HDGFL3: variants seen among roughly 807,000 people sequenced by gnomAD.
HDGFL3 encodes HDGF like 3.
In HDGFL3, 6 loss-of-function variants were observed where a neutral mutation model predicts 27.6. The observed-to-expected ratio is 0.22, with a 90% CI of 0.12 to 0.43. HDGFL3 has a LOEUF of 0.43. Among genes scored for constraint, HDGFL3 ranks in the 20% least tolerant of loss-of-function variants. HDGFL3 has a pLI of 1.00. For missense variants in HDGFL3, 207 were observed against 250.1 expected (o/e 0.83, Z 1.16); for synonymous variants, 88 against 88.9 (o/e 0.99, Z 0.05).
intron 3 of HDGFL3, among the ~76,000 whole-genome samples, chr15:83,121,416 GTA>G (rs1017212202): frequency 6.6e-6 from 1 of 152,058 alleles, no homozygotes; most frequent in Non-Finnish European, 1.5e-5. Context: ...AAGATTTGGG[GTA>G]TATGTCTAGC....
chr15:83,136,767 TACTTAA>T lies in HDGFL3; in HGVS notation c.*2497_*2502del. On this transcript the variant is annotated 3_prime_UTR_variant, in exon 6 of 6. Coordinates refer to ENST00000299633, the MANE Select transcript of HDGFL3 (RefSeq NM_016073.4). ...ATTTCACTCTCTTCTCATACGTGAG[TACTTAA>T]GAATATGTACATTCTTGCTCTGCAC... The T allele has an allele frequency of 1.9e-6, 2 of 1,026,488 alleles. No homozygotes were observed. The highest frequency in any genetic ancestry group is 2.8e-6 in the Non-Finnish European group (2 of 701,852). 63.6% of individuals were successfully genotyped at this position (1,026,488 alleles called of 1,614,324 possible).
At chr15:83,204,217 T>C (rs2037687428) in intron 1 of HDGFL3, among the ~76,000 whole-genome samples, 1 of 151,744 alleles carries the variant, frequency 6.6e-6, no homozygotes. Flanking sequence ...TATACTTATA[T>C]ATATCAGACA....
At chr15:83,193,157 A>G (rs186610112) in intron 1 of HDGFL3, among the ~76,000 whole-genome samples, 1 of 152,344 alleles carries the variant, frequency 6.6e-6, no homozygotes, top group East Asian at 1.9e-4. Context: ...AATCCGTGCA[A>G]TGGGAGAAAA....
At chr15:83,167,562 G>GAA (rs76337560) in intron 1 of HDGFL3, among the ~76,000 whole-genome samples, 2 of 99,200 alleles carry the variant, frequency 2.0e-5, no homozygotes, top group Non-Finnish European at 4.3e-5. Flanking sequence ...TCCATCTCAA[G>GAA]AAAAAAAAAA....
rs2036092423 is a variant in HDGFL3 at position 83,129,864 on chromosome 15, T to C, written c.*9406A>G. 1 of 151,104 alleles carries C rather than the reference T, an allele frequency of 6.6e-6. No individual in the cohort carries two copies. Among genetic ancestry groups the C allele is most frequent in the African/African-American group, 2.4e-5 (1 of 41,122 alleles). 9.4% of individuals were successfully genotyped at this position (151,104 alleles called of 1,614,324 possible). On this transcript the variant is annotated 3_prime_UTR_variant, in exon 6 of 6. Coordinates refer to ENST00000299633, the MANE Select transcript of HDGFL3 (RefSeq NM_016073.4). The stretch of plus-strand genomic sequence containing the variant: ...GTCTGAGGGCAGAGTAAGCCTTGCC[T>C]TTTTTTTTGGCCTGGTTCCTCTGCC...
chr15:83,168,953 C>T (rs7164083), intron 1 of HDGFL3, among the ~76,000 whole-genome samples: 38,676 of 151,888 alleles, frequency 0.25, 5,328 homozygotes, highest in African/African-American at 0.36. Context: ...ATTTCTAGGA[C>T]GCAAAGTTGG....
intron 5 of HDGFL3, among the ~76,000 whole-genome samples, chr15:83,145,301 T>C (rs1447479054): frequency 6.6e-6 from 1 of 152,070 alleles, no homozygotes; most frequent in African/African-American, 2.4e-5. Context: ...CCCAACCCCA[T>C]TCTTTAATCT....
intron 1 of HDGFL3, among the ~76,000 whole-genome samples, chr15:83,193,087 C>T (rs1339050406): frequency 2.2e-5 from 3 of 139,036 alleles, no homozygotes; most frequent in Non-Finnish European, 4.4e-5. Flanking sequence ...TTCCAGAGTC[C>T]CGTTCTCTGC....
chr15:83,153,026 G>A (rs1327933990), intron 4 of HDGFL3, among the ~76,000 whole-genome samples: 1 of 133,006 alleles, frequency 7.5e-6, no homozygotes, highest in Non-Finnish European at 1.5e-5. Flanking sequence ...ACGGAGTCTC[G>A]CTCTGTTGCC....
chr15:83,199,185 T>A lies in HDGFL3; in HGVS notation c.84+8146A>T, dbSNP rs940146555. On this transcript the variant is annotated intron_variant, in intron 1 of 5. Coordinates refer to ENST00000299633, the MANE Select transcript of HDGFL3 (RefSeq NM_016073.4). ...AGTTGGTTTCATTTGGAACATCAAA[T>A]AGTGGTCTAGAGGGAATTTTCAATC... Among the ~76,000 whole-genome samples, 20 of 152,216 alleles carry A rather than the reference T, an allele frequency of 1.3e-4. 1 individual carries two copies. The highest frequency in any genetic ancestry group is 2.8e-4 in the Non-Finnish European group (19 of 68,036).
downstream of HDGFL3, among the ~76,000 whole-genome samples, chr15:83,125,050 C>G (rs1202734436): frequency 2.0e-5 from 3 of 152,180 alleles, no homozygotes; most frequent in Non-Finnish European, 2.9e-5. Flanking sequence ...ATCAGAGTCT[C>G]TCTTTTTTAT....
intron 5 of HDGFL3, chr15:83,144,793 G>A (rs2036857050): frequency 5.9e-6 from 2 of 340,892 alleles, no homozygotes; most frequent in Admixed American, 4.0e-5. Flanking sequence ...TTAGCAAGTT[G>A]CACCTGAATG....
rs999898544 is a variant in HDGFL3 at position 83,131,913 on chromosome 15, T to G, written c.*7357A>C. 2.6e-5 allele frequency: 4 copies of G among 152,208 alleles called. No individual in the cohort carries two copies. The highest frequency in any genetic ancestry group is 5.9e-5 in the Non-Finnish European group (4 of 68,032). 9.4% of individuals were successfully genotyped at this position (152,208 alleles called of 1,614,324 possible). ...CTTAGATCCACTTATTAGCATTTCC[T>G]ATCAATTGAAGCATTTTCTCTGCTA... On this transcript the variant is annotated 3_prime_UTR_variant, in exon 6 of 6. Coordinates refer to ENST00000299633, the MANE Select transcript of HDGFL3 (RefSeq NM_016073.4).
chr15:83,152,549 A>T (rs1181431551), intron 4 of HDGFL3, among the ~76,000 whole-genome samples: 1 of 152,004 alleles, frequency 6.6e-6, no homozygotes, highest in Non-Finnish European at 1.5e-5. Context: ...AAAAATACAA[A>T]ATTAGCTGGG....
At chr15:83,158,923 A>C (rs929853394) in intron 2 of HDGFL3, among the ~76,000 whole-genome samples, 4 of 151,948 alleles carry the variant, frequency 2.6e-5, no homozygotes, top group Non-Finnish European at 4.4e-5. Flanking sequence ...GGTTTACTGC[A>C]ACCTCCATCT....
At chr15:83,144,332 C>G (rs541600112) in intron 5 of HDGFL3, among the ~76,000 whole-genome samples, 1 of 152,174 alleles carries the variant, frequency 6.6e-6, no homozygotes, top group East Asian at 1.9e-4. Flanking sequence ...TTCCTGCCTC[C>G]GGTATCTCTA....
rs1484820123 is a variant in HDGFL3 at position 83,138,958 on chromosome 15, C to G, written c.*312G>C. The G allele has an allele frequency of 4.6e-6, 1 of 216,522 alleles. No individual in the cohort carries two copies. Among genetic ancestry groups the G allele is most frequent in the Non-Finnish European group, 9.1e-6 (1 of 110,246 alleles). The allele number at this position is 216,522 out of a possible 1,614,324, so 13.4% of individuals were successfully genotyped here. A position where few individuals can be genotyped will look rare whatever the true frequency, so the allele number is the denominator to read the frequency against. On this transcript the variant is annotated 3_prime_UTR_variant, in exon 6 of 6. Coordinates refer to ENST00000299633, the MANE Select transcript of HDGFL3 (RefSeq NM_016073.4). Reference sequence around the variant, plus strand: ...GGGGTCAAGGCAGGAAAACGATGATCATAACTGCCTTGATAAAAGGATCCT... The same window carrying G: ...GGGGTCAAGGCAGGAAAACGATGATGATAACTGCCTTGATAAAAGGATCCT...
intron 3 of HDGFL3, chr15:83,120,023 G>A (rs764447233): frequency 3.3e-5 from 8 of 240,514 alleles, no homozygotes; most frequent in South Asian, 6.0e-5. Context: ...ATCTCATTTC[G>A]GTTCAAAGCT....
In HDGFL3 at chr15:83,120,296, G is replaced by A. The variant is rs768500049; in HGVS notation, c.394-4555C>T. 5.3e-5 allele frequency among the ~76,000 whole-genome samples: 8 copies of A among 152,230 alleles called. No individual in the cohort carries two copies. The East Asian group carries it at 5.8e-4, about 11-fold the overall frequency. ...TTCTTTAGAGACCCCAACCACAGGA[G>A]CTTCTGCATTGCACTAATCCCTGAA... On this transcript the variant is annotated intron_variant, in intron 3 of 3. Coordinates refer to the HDGFL3 transcript ENST00000568294.
Sources: allele counts gnomAD v4.1 joint callset (sites outside exome capture counted in the v4.1 genomes callset), GRCh38; gene constraint gnomAD v4.1.1; transcripts MANE v1.5; gene names NCBI Gene and HGNC (gene_info 2026-07-23, HGNC 2026-07-21).